ROBO1: variants seen among roughly 807,000 people sequenced by gnomAD.
ROBO1 encodes the protein roundabout homolog 1.
ROBO1 carries 149 observed loss-of-function variants against 195.9 expected under a neutral mutation model. That is an observed-to-expected ratio of 0.76 (90% CI 0.67 to 0.87). ROBO1 has a LOEUF of 0.87. ROBO1 is among the 40% of genes least tolerant of loss of function. ROBO1 has a pLI of 0.00. For synonymous variants in ROBO1, 816 were observed against 733.2 expected (o/e 1.11, Z -1.82); for missense variants, 1,933 against 2,068.3 (o/e 0.93, Z 1.27).
In ROBO1 at chr3:79,350,791, GAGT is replaced by G. The variant is rs529836782; in HGVS notation, c.89-225255_89-225253del. On this transcript the variant is annotated intron_variant, in intron 2 of 30. Coordinates refer to ENST00000464233, the MANE Select transcript of ROBO1 (RefSeq NM_002941.4). ...TATTTTTAGTGCTGAGGGGATTGGA[GAGT>G]AGAAGGGCAGTAGCTAAAATTACAA... Among the ~76,000 whole-genome samples, 437 of 152,252 alleles carry G rather than the reference GAGT, an allele frequency of 2.9e-3. 1 individual carries two copies. The highest frequency in any genetic ancestry group is 5.0e-3 in the Non-Finnish European group (340 of 68,018).
chr3:79,171,575 A>C (rs932170811), intron 2 of ROBO1, among the ~76,000 whole-genome samples: 1 of 152,158 alleles, frequency 6.6e-6, no homozygotes, highest in Non-Finnish European at 1.5e-5. Flanking sequence ...ACACACATAC[A>C]TAAAGGGATA....
intron 10 of ROBO1, among the ~76,000 whole-genome samples, chr3:78,680,572 A>T (rs2080873539): frequency 6.6e-6 from 1 of 151,974 alleles, no homozygotes; most frequent in African/African-American, 2.4e-5. Flanking sequence ...GCCAAACAAC[A>T]CATGAAAAAA....
chr3:79,095,469 T>C lies in ROBO1; in HGVS notation c.172+29987A>G, dbSNP rs560489779. Among the ~76,000 whole-genome samples the C allele has an allele frequency of 3.3e-5, 5 of 152,144 alleles. No individual in the cohort carries two copies. The East Asian group carries it at 7.8e-4, about 24-fold the overall frequency. On this transcript the variant is annotated intron_variant, in intron 3 of 30. Coordinates refer to ENST00000464233, the MANE Select transcript of ROBO1 (RefSeq NM_002941.4). ...ACTGAGACGACCAGCCACTGGTGAC[T>C]AGCTATGTGAGTGAGTCTTCCTGGA...
intron 2 of ROBO1, among the ~76,000 whole-genome samples, chr3:79,256,689 G>A (rs2082840188): frequency 6.6e-6 from 1 of 152,096 alleles, no homozygotes; most frequent in African/African-American, 2.4e-5. Context: ...TTAAAGTTAT[G>A]AAGTACTTTA....
chr3:79,584,629 G>GTA (rs1225573723), intron 2 of ROBO1, among the ~76,000 whole-genome samples: 4 of 142,080 alleles, frequency 2.8e-5, no homozygotes, highest in South Asian at 2.2e-4. Context: ...GTGTGTGTGT[G>GTA]TGTGTGTGTA....
At chr3:79,509,811 A>G (rs551553067) in intron 2 of ROBO1, among the ~76,000 whole-genome samples, 1 of 152,240 alleles carries the variant, frequency 6.6e-6, no homozygotes, top group East Asian at 1.9e-4. Flanking sequence ...AATAATGAAT[A>G]ATATTTGAAT....
At chr3:79,204,974 ATTAGTTAGTTAGTTAG>A (rs113126682) in intron 2 of ROBO1, among the ~76,000 whole-genome samples, 4 of 150,332 alleles carry the variant, frequency 2.7e-5, no homozygotes, top group Non-Finnish European at 5.9e-5. Flanking sequence ...GACTTGGAGA[ATTAGTTAGTTAGTTAG>A]TTAGTTAGTT....
chr3:79,735,162 G>T (rs1208959718), intron 1 of ROBO1, among the ~76,000 whole-genome samples: 1 of 152,162 alleles, frequency 6.6e-6, no homozygotes, highest in Non-Finnish European at 1.5e-5. Context: ...CAAGCTATTT[G>T]GGTGGTTTGT....
intron 4 of ROBO1, among the ~76,000 whole-genome samples, chr3:78,812,694 G>C (rs2108634532): frequency 6.6e-6 from 1 of 152,080 alleles, no homozygotes; most frequent in East Asian, 1.9e-4. Flanking sequence ...ATTTGAATCT[G>C]CTTTGTTCTT....
chr3:79,712,959 G>A (rs1448463962), intron 1 of ROBO1, among the ~76,000 whole-genome samples: 1 of 151,804 alleles, frequency 6.6e-6, no homozygotes, highest in African/African-American at 2.4e-5. Flanking sequence ...TCAGTTCTAG[G>A]GTACATGTGC....
At chr3:78,826,871 T>A (rs770086159) in intron 4 of ROBO1, among the ~76,000 whole-genome samples, 4 of 152,196 alleles carry the variant, frequency 2.6e-5, no homozygotes, top group Non-Finnish European at 4.4e-5. Flanking sequence ...CTGAAGTAAC[T>A]TTCTGGTAAC....
rs2079081565 is a variant in ROBO1, at chr3:79,071,177, T to C, written c.172+54279A>G. Among the ~76,000 whole-genome samples the C allele has an allele frequency of 2.6e-5, 4 of 151,816 alleles. No homozygotes were observed. The South Asian group carries it at 8.3e-4, about 31-fold the overall frequency. ...ATCTCCTGACCTTATTACTTTCAATTTACCCTTTCATTTATTTCTGATATG... is the reference window on the plus strand; with the variant it reads ...ATCTCCTGACCTTATTACTTTCAATCTACCCTTTCATTTATTTCTGATATG... On this transcript the variant is annotated intron_variant, in intron 3 of 30. Coordinates refer to ENST00000464233, the MANE Select transcript of ROBO1 (RefSeq NM_002941.4).
Position 78,668,272 on chromosome 3 carries a change from G to A in ROBO1, c.1661C>T (p.Pro554Leu). 1 of 1,613,422 alleles carries A rather than the reference G, an allele frequency of 6.2e-7. No individual in the cohort carries two copies. Among genetic ancestry groups the A allele is most frequent in the South Asian group, 1.1e-5 (1 of 90,936 alleles). The change falls in exon 13 of 31, where the codon CCT becomes CTT. Residue 554 changes from proline to leucine, a missense_variant. This residue lies in a region of ROBO1 where 1,737 missense variants were observed against 1,882.5 expected (regional missense o/e 0.92). Coordinates refer to ENST00000464233, the MANE Select transcript of ROBO1 (RefSeq NM_002941.4). ...ACTAGGGATTAAATTTGGGTCAGTA[G>A]GTCTTGGAGGCTGAACTGGAACTCC... ...EFGVPVQPPR[P>L]TDPNLIPSAP...
intron 4 of ROBO1, among the ~76,000 whole-genome samples, chr3:78,845,906 T>TA (rs1359217969): frequency 6.6e-6 from 1 of 152,292 alleles, no homozygotes; most frequent in East Asian, 1.9e-4. Flanking sequence ...TTCAGACTAA[T>TA]AAATTATTCT....
intron 4 of ROBO1, among the ~76,000 whole-genome samples, chr3:78,853,485 A>T (rs2034210008): frequency 6.6e-6 from 1 of 151,046 alleles, no homozygotes; most frequent in Admixed American, 6.6e-5. Context: ...GTATGTATGT[A>T]TGTATTTATT....
At chr3:78,839,072 C>A (rs2032976881) in intron 4 of ROBO1, among the ~76,000 whole-genome samples, 1 of 152,000 alleles carries the variant, frequency 6.6e-6, no homozygotes, top group African/African-American at 2.4e-5. Flanking sequence ...ATTTTCTCAC[C>A]CTTAGTTGAG....
intron 5 of ROBO1, among the ~76,000 whole-genome samples, chr3:78,721,621 TG>T (rs1195800962): frequency 6.6e-6 from 1 of 152,210 alleles, no homozygotes; most frequent in Non-Finnish European, 1.5e-5. Flanking sequence ...AAGTGTTCAA[TG>T]TTTTTTATCT....
intron 2 of ROBO1, among the ~76,000 whole-genome samples, chr3:79,237,162 G>T (rs1490914041): frequency 6.6e-6 from 1 of 152,056 alleles, no homozygotes; most frequent in Non-Finnish European, 1.5e-5. Context: ...CTATTTATTG[G>T]TGATAATGTT....
At chr3:78,767,494 G>A (rs1254626338) in intron 4 of ROBO1, among the ~76,000 whole-genome samples, 11 of 151,088 alleles carry the variant, frequency 7.3e-5, no homozygotes, top group Admixed American at 7.2e-4. Context: ...TCGAACTCCT[G>A]GCCTCAAGCG....
Sources: allele counts gnomAD v4.1 joint callset (sites outside exome capture counted in the v4.1 genomes callset), GRCh38; gene constraint gnomAD v4.1.1; regional missense constraint gnomAD v4.1.1; transcripts MANE v1.5; gene names NCBI Gene and HGNC (gene_info 2026-07-23, HGNC 2026-07-21).